The following ADAMTS17 variants were observed in gnomAD, a reference collection of about 807,000 sequenced individuals.
ADAMTS17 encodes the protein A disintegrin and metalloproteinase with thrombospondin motifs 17.
In ADAMTS17, 113 loss-of-function variants were observed where a neutral mutation model predicts 141.5. That is an observed-to-expected ratio of 0.80 (90% CI 0.69 to 0.93). The LOEUF is 0.93. ADAMTS17 is among the 40% of genes least tolerant of loss of function. ADAMTS17 has a pLI of 0.00. For missense variants in ADAMTS17, 1,659 were observed against 1,517.9 expected, an observed-to-expected ratio of 1.09 and a Z score of -1.54; for synonymous variants, 768 against 630.6, an observed-to-expected ratio of 1.22 and a Z score of -3.27.
intron 17 of ADAMTS17, among the ~76,000 whole-genome samples, chr15:100,051,179 C>T (rs1321580011): frequency 6.6e-6 from 1 of 152,048 alleles, no homozygotes; most frequent in African/African-American, 2.4e-5. Flanking sequence ...GTGACTGTGG[C>T]CAAGAGGGAA....
At chr15:100,005,785 G>C (rs1173205713) in intron 18 of ADAMTS17, among the ~76,000 whole-genome samples, 4 of 152,170 alleles carry the variant, frequency 2.6e-5, no homozygotes, top group Non-Finnish European at 5.9e-5. Flanking sequence ...TAAAACAACA[G>C]GAATCTATTC....
chr15:100,303,158 TA>T (rs1567512030), intron 3 of ADAMTS17, among the ~76,000 whole-genome samples: 3 of 146,220 alleles, frequency 2.1e-5, no homozygotes, highest in East Asian at 2.0e-4. Flanking sequence ...AAACTATATA[TA>T]AAAATATAAA....
chr15:100,034,302 G>A (rs563422756), intron 18 of ADAMTS17, among the ~76,000 whole-genome samples: 1 of 152,378 alleles, frequency 6.6e-6, no homozygotes, highest in East Asian at 1.9e-4. Context: ...GGGGCTGTCT[G>A]AGCCAGCACT....
intron 4 of ADAMTS17, among the ~76,000 whole-genome samples, chr15:100,279,295 CCT>C (rs1567477133): frequency 6.6e-6 from 1 of 152,228 alleles, no homozygotes; most frequent in African/African-American, 2.4e-5. Flanking sequence ...AGCACTTACC[CCT>C]GAGCTCCAGC....
rs147956953 is a variant in ADAMTS17 at position 100,166,312 on chromosome 15, C to A, written c.1182-10992G>T. On this transcript the variant is annotated intron_variant, in intron 8 of 21. Transcript: ENST00000268070. ...GATGAACATCTACTGCTTCCAATGG[C>A]TTTTCAGATGATTCTTTTACAATAT... is the stretch of plus-strand genomic sequence containing the variant. Among the ~76,000 whole-genome samples, 438 of 152,304 alleles carry A rather than the reference C, an allele frequency of 2.9e-3. 1 individual carries two copies. The highest frequency in any genetic ancestry group is 9.9e-3 in the African/African-American group (413 of 41,560).
chr15:100,061,764 T>C (rs377496798), intron 15 of ADAMTS17, among the ~76,000 whole-genome samples: 2 of 152,222 alleles, frequency 1.3e-5, no homozygotes, highest in Non-Finnish European at 2.9e-5. Flanking sequence ...GGACACCTTC[T>C]GGGCTTGATG....
intron 4 of ADAMTS17, among the ~76,000 whole-genome samples, chr15:100,263,090 G>C (rs745439212): frequency 9.2e-5 from 14 of 152,182 alleles, no homozygotes; most frequent in Non-Finnish European, 1.3e-4. Flanking sequence ...ACGAAAGGTG[G>C]TTTTGAAAAA....
Position 100,132,126 on chromosome 15 carries a change from G to C in ADAMTS17, c.1602C>G (p.Ser534Arg), listed in dbSNP as rs2038082260. 1 of 1,613,854 alleles carries C rather than the reference G, an allele frequency of 6.2e-7. No individual in the cohort carries two copies. Among genetic ancestry groups the C allele is most frequent in the African/African-American group, 1.3e-5 (1 of 74,960 alleles). ...CCACATGCTCCGGGATGGGCGTCTT[G>C]CTCACGCACTCCCCCGCGCGGCACC... ...DKWCRAGECV[S>R]KTPIPEHVDG... The change falls in exon 12 of 22, where the codon AGC becomes AGG. Residue 534 changes from serine (S) to arginine (R), a missense_variant. Ser to Arg is a moderately radical substitution (Grantham distance 110). Coordinates refer to ENST00000268070, the MANE Select transcript of ADAMTS17 (RefSeq NM_139057.4).
chr15:100,132,339 A>G (rs1427477694), intron 11 of ADAMTS17, among the ~76,000 whole-genome samples, 187 bp from the exon 12 acceptor site: 2 of 152,250 alleles, frequency 1.3e-5, no homozygotes, highest in Non-Finnish European at 2.9e-5. Context: ...ACTGACACTC[A>G]TATCGCTGTA....
At chr15:100,280,878 G>T (rs377181438) in intron 4 of ADAMTS17, among the ~76,000 whole-genome samples, 5 of 152,074 alleles carry the variant, frequency 3.3e-5, no homozygotes, top group African/African-American at 1.2e-4. Context: ...TGTTCCCCCC[G>T]CTAGACTATG....
In ADAMTS17 at chr15:100,053,936, G is replaced by C; in HGVS notation, c.2256C>G (p.Ile752Met). 6.2e-7 allele frequency: 1 copy of C among 1,614,184 alleles called. No homozygotes were observed. The highest frequency in any genetic ancestry group is 8.5e-7 in the Non-Finnish European group (1 of 1,180,028). Reference sequence around the variant, plus strand: ...GTAGTTTGGTTGGTCCCTTGGCAGAGATCTTCTCCCACAGCCCCCTTCTCA... The same window carrying C: ...GTAGTTTGGTTGGTCCCTTGGCAGACATCTTCTCCCACAGCCCCCTTCTCA... ...RYVRRGLWEK[I>M]SAKGPTKLPL... The change falls in exon 16 of 22, where the codon ATC (isoleucine) becomes ATG (methionine). Residue 752 changes from isoleucine (I) to methionine (M), a missense_variant. Coordinates refer to ENST00000268070, the MANE Select transcript of ADAMTS17 (RefSeq NM_139057.4).
intron 14 of ADAMTS17, 86 bp downstream of exon 14, chr15:100,108,903 G>A: frequency 3.7e-6 from 6 of 1,606,064 alleles, no homozygotes. Context: ...GGCCTCCTGA[G>A]ACCTCTGCTC....
chr15:100,009,770 C>A (rs137894022), intron 18 of ADAMTS17, among the ~76,000 whole-genome samples: 1 of 152,214 alleles, frequency 6.6e-6, no homozygotes, highest in Non-Finnish European at 1.5e-5. Context: ...CAGAGATGGT[C>A]ACATTCATCT....
At chr15:100,078,249 T>G (rs28864522) in intron 15 of ADAMTS17, among the ~76,000 whole-genome samples, 1 of 151,576 alleles carries the variant, frequency 6.6e-6, no homozygotes, top group African/African-American at 2.4e-5. Flanking sequence ...GACAAGCTGT[T>G]CCTAAAATTC....
intron 18 of ADAMTS17, among the ~76,000 whole-genome samples, chr15:100,031,782 G>A (rs560427117): frequency 1.4e-4 from 22 of 152,294 alleles, no homozygotes; most frequent in African/African-American, 5.1e-4. Context: ...AGCTCTAGGC[G>A]CTGCTGGGCA....
chr15:100,140,488 C>CATCTATATATATATATATATATAT (rs2038578122), intron 10 of ADAMTS17, among the ~76,000 whole-genome samples: 1 of 124,936 alleles, frequency 8.0e-6, no homozygotes, highest in Non-Finnish European at 1.8e-5. Flanking sequence ...CACATACATA[C>CATCTATATATATATATATATATAT]ATATATATAT....
chr15:100,232,441 G>A (rs925453831), intron 7 of ADAMTS17, among the ~76,000 whole-genome samples: 4 of 152,250 alleles, frequency 2.6e-5, no homozygotes, highest in Non-Finnish European at 5.9e-5. Context: ...GACATGGAAT[G>A]AACACTTGGT....
intron 7 of ADAMTS17, among the ~76,000 whole-genome samples, chr15:100,233,056 C>T (rs1281296692): frequency 2.6e-5 from 4 of 152,160 alleles, no homozygotes; most frequent in Non-Finnish European, 4.4e-5. Context: ...AGGCCAGGCG[C>T]GGTGGCTCAC....
At chr15:100,190,050 G>C (rs1052903669) in intron 8 of ADAMTS17, among the ~76,000 whole-genome samples, 2 of 152,232 alleles carry the variant, frequency 1.3e-5, no homozygotes, top group Non-Finnish European at 2.9e-5. Context: ...GAGTCACTGA[G>C]GCTTACTTAG....
Sources: gnomAD v4.1 joint callset for allele counts (sites outside exome capture counted in the v4.1 genomes callset) on GRCh38, gnomAD v4.1.1 for gene constraint, MANE v1.5 for transcripts, NCBI Gene and HGNC (gene_info 2026-07-23, HGNC 2026-07-21) for gene names.